Variants in PPP1R13B observed in about 807,000 individuals in gnomAD.
PPP1R13B encodes the protein protein phosphatase 1 regulatory subunit 13B.
PPP1R13B carries 44 observed loss-of-function variants against 119.8 expected under a neutral mutation model. The ratio of observed to expected loss-of-function variants is 0.37; its 90% CI spans 0.29 to 0.47. The LOEUF (loss-of-function observed/expected upper bound fraction) is 0.47, where lower values mean the gene tolerates loss of function less well. Ranked by LOEUF, PPP1R13B falls within the 20% of genes least tolerant of loss-of-function variation. PPP1R13B has a pLI of 0.99. For synonymous variants in PPP1R13B, 542 were observed against 561.5 expected, an observed-to-expected ratio of 0.97 and a Z score of 0.49; for missense variants, 1,227 against 1,413.5, an observed-to-expected ratio of 0.87 and a Z score of 2.12.
chr14:103,747,029 C>T (rs1404197980), intron 8 of PPP1R13B: 1 of 152,608 alleles, frequency 6.6e-6, no homozygotes, highest in Non-Finnish European at 1.5e-5. Flanking sequence ...CCACGTGGGG[C>T]ACAGTGAGCA....
chr14:103,740,022 G>A lies in PPP1R13B; in HGVS notation c.2394C>T (p.Ser798=). ...GACAGATGAGCTCCTCTGGTTCGGG[G>A]GAAGGTAACTCATTATCATTGGCAT... ...SSDANDNELP[S]PEPEELICPQ... is the part of the protein sequence containing the mutation. Residue 798 remains serine, a synonymous_variant, in exon 12 of 17, where the codon TCC becomes TCT. Coordinates refer to ENST00000202556, the MANE Select transcript of PPP1R13B (RefSeq NM_015316.3). This position sits in a 1 kb window ranked among gnomAD's most constrained non-coding sequence, Gnocchi z 4.6. The A allele has an allele frequency of 6.2e-7, 1 of 1,614,082 alleles. No homozygotes were observed. Among genetic ancestry groups the A allele is most frequent in the Non-Finnish European group, 8.5e-7 (1 of 1,179,986 alleles).
chr14:103,818,635 G>C (rs756284698), intron 1 of PPP1R13B: 9 of 322,742 alleles, frequency 2.8e-5, no homozygotes, highest in Non-Finnish European at 3.6e-5. Context: ...CTTCACATTT[G>C]GGCAAGTTCC....
At chr14:103,837,929 G>A (rs2086815169) in intron 1 of PPP1R13B, among the ~76,000 whole-genome samples, 2 of 152,050 alleles carry the variant, frequency 1.3e-5, no homozygotes. Context: ...GACCAGCCTG[G>A]ACAACATGGT....
At chr14:103,817,591 A>G (rs1256278021) in intron 1 of PPP1R13B, among the ~76,000 whole-genome samples, 3 of 152,160 alleles carry the variant, frequency 2.0e-5, no homozygotes, top group African/African-American at 7.2e-5. Flanking sequence ...TTTTGTTAGT[A>G]TTGACATTTT....
At chr14:103,807,902 C>T (rs576576367) in intron 1 of PPP1R13B, among the ~76,000 whole-genome samples, 6 of 152,232 alleles carry the variant, frequency 3.9e-5, no homozygotes, top group Non-Finnish European at 8.8e-5. Flanking sequence ...CCCCTCTAAT[C>T]ACTGAATTAG....
intron 5 of PPP1R13B, among the ~76,000 whole-genome samples, chr14:103,754,785 T>C (rs374626140): frequency 1.7e-4 from 26 of 151,728 alleles, no homozygotes; most frequent in African/African-American, 5.1e-4. Context: ...TTTTCTTCTT[T>C]TTTTTTTCTT....
chr14:103,816,662 T>A (rs1294804564), intron 1 of PPP1R13B, among the ~76,000 whole-genome samples: 2 of 135,282 alleles, frequency 1.5e-5, no homozygotes, highest in African/African-American at 5.9e-5. Context: ...AGAGCAAAAC[T>A]CAGTCTCAAA....
intron 4 of PPP1R13B, chr14:103,762,875 C>G (rs1364003544): frequency 3.9e-6 from 4 of 1,030,472 alleles, no homozygotes; most frequent in Non-Finnish European, 3.0e-6. Flanking sequence ...AAAAGAAGGA[C>G]AAGACACAGT....
chr14:103,752,902 C>A, intron 7 of PPP1R13B, 98 bp downstream of exon 7: 1 of 1,270,910 alleles, frequency 7.9e-7, no homozygotes, highest in South Asian at 1.5e-5. Context: ...TTAGAATCTA[C>A]TAATTTGTTT....
intron 4 of PPP1R13B, 195 bp downstream of exon 4, chr14:103,778,550 C>T (rs775573197): frequency 1.8e-6 from 1 of 557,880 alleles, no homozygotes; most frequent in South Asian, 2.2e-5. Context: ...GTGAGCCACA[C>T]ACCTGGCCTC....
chr14:103,833,099 G>T (rs572198178), intron 1 of PPP1R13B, among the ~76,000 whole-genome samples: 1 of 152,258 alleles, frequency 6.6e-6, no homozygotes, highest in African/African-American at 2.4e-5. Flanking sequence ...TGTACTTAAT[G>T]CCACAGAACT....
rs756810483 is a variant in PPP1R13B at position 103,742,257 on chromosome 14, G to A, written c.1355C>T (p.Pro452Leu). 46 of 1,576,618 alleles carry A rather than the reference G, an allele frequency of 2.9e-5. No homozygotes were observed. The highest frequency in any genetic ancestry group is 3.3e-4 in the Middle Eastern group (2 of 5,976). The change falls in exon 11 of 17, where the codon CCG (proline) becomes CTG (leucine). Residue 452 changes from proline to leucine, a missense_variant. Pro to Leu is a moderately conservative substitution (Grantham distance 98). Transcript: ENST00000202556. The surrounding 1 kb of genome is among the most constrained non-coding windows in gnomAD (Gnocchi z 4.9). ...IEIGKVPPPIPGVGKQLPPSY... is the reference protein window; with the variant it reads ...IEIGKVPPPILGVGKQLPPSY... ...TGGAGGCAGCTGCTTGCCTACACCC[G>A]GGATGGGAGGTGGCACTTTACCAAT...
At chr14:103,761,652 A>G (rs1374893802) in intron 4 of PPP1R13B, among the ~76,000 whole-genome samples, 5 of 151,782 alleles carry the variant, frequency 3.3e-5, no homozygotes, top group African/African-American at 7.3e-5. Context: ...AATCCCAGCT[A>G]CTCGGGAGGC....
intron 1 of PPP1R13B, among the ~76,000 whole-genome samples, chr14:103,814,749 T>C (rs570631284): frequency 6.6e-6 from 1 of 151,976 alleles, no homozygotes; most frequent in Non-Finnish European, 1.5e-5. Context: ...ATCGAGACCA[T>C]CCTGGCTAAC....
intron 15 of PPP1R13B, 103 bp downstream of exon 15, chr14:103,737,591 C>G (rs1047657564): frequency 5.7e-6 from 8 of 1,398,592 alleles, no homozygotes; most frequent in Non-Finnish European, 7.7e-6. Context: ...TTAAAAAAAA[C>G]AAACAGAAAG....
intron 1 of PPP1R13B, among the ~76,000 whole-genome samples, chr14:103,831,556 C>T (rs1005235406): frequency 1.3e-5 from 2 of 151,084 alleles, no homozygotes; most frequent in African/African-American, 4.8e-5. Context: ...AGTGATCCAC[C>T]CGCCTCAGCC....
Position 103,762,756 on chromosome 14 carries a change from G to A in PPP1R13B, c.355-5005C>T, listed in dbSNP as rs1024725894. The A allele has an allele frequency of 2.0e-5, 14 of 689,942 alleles. 1 individual carries two copies. Among genetic ancestry groups the A allele is most frequent in the African/African-American group, 7.1e-5 (4 of 56,528 alleles). 42.7% of individuals were successfully genotyped at this position (689,942 alleles called of 1,614,324 possible). ...GGGTGAGACGGATGGGGGTGGAGGC[G>A]CTGCTGCTGTGGGGGCAGGTGGTGG... On this transcript the variant is annotated intron_variant, in intron 4 of 16. Coordinates refer to ENST00000202556, the MANE Select transcript of PPP1R13B (RefSeq NM_015316.3).
At chr14:103,816,117 T>C (rs1043037494) in intron 1 of PPP1R13B, among the ~76,000 whole-genome samples, 1 of 151,444 alleles carries the variant, frequency 6.6e-6, no homozygotes, top group Non-Finnish European at 1.5e-5. Flanking sequence ...CTATGCCAAG[T>C]ATTCAACCTA....
chr14:103,740,426 C>T lies in PPP1R13B; in HGVS notation c.1990G>A (p.Glu664Lys). 1 of 1,597,344 alleles carries T rather than the reference C, an allele frequency of 6.3e-7. No homozygotes were observed. The highest frequency in any genetic ancestry group is 1.3e-5 in the African/African-American group (1 of 74,622). ...PAAPADGSTVESLPRPLSPTK... is the reference protein window; with the variant it reads ...PAAPADGSTVKSLPRPLSPTK... Reference sequence around the variant, plus strand: ...GGGCTGAGTGGCCGTGGCAGGCTCTCCACGGTGCTGCCATCTGCGGGGGCG... The same window carrying T: ...GGGCTGAGTGGCCGTGGCAGGCTCTTCACGGTGCTGCCATCTGCGGGGGCG... The change falls in exon 12 of 17, where the codon GAG becomes AAG. Residue 664 changes from glutamate (E) to lysine (K), a missense_variant. Glu to Lys is a moderately conservative substitution (Grantham distance 56). Transcript: ENST00000202556. The surrounding 1 kb of genome is among the most constrained non-coding windows in gnomAD (Gnocchi z 4.6).
Sources: gnomAD v4.1 joint callset for allele counts (sites outside exome capture counted in the v4.1 genomes callset) on GRCh38, gnomAD v4.1.1 for gene constraint, Gnocchi (gnomAD v3.1) non-coding constraint, MANE v1.5 for transcripts, NCBI Gene and HGNC (gene_info 2026-07-23, HGNC 2026-07-21) for gene names.